Variants in SLC25A21 observed in about 807,000 individuals in gnomAD.
The protein encoded by SLC25A21 is solute carrier family 25 member 21.
In SLC25A21, 47 loss-of-function variants were observed where a neutral mutation model predicts 43.8. The ratio of observed to expected loss-of-function variants is 1.07; its 90% CI spans 0.85 to 1.37. The LOEUF (loss-of-function observed/expected upper bound fraction) is 1.37, where lower values mean the gene tolerates loss of function less well. Among genes scored for constraint, SLC25A21 ranks in the 40% most tolerant of loss-of-function variants. SLC25A21 has a pLI of 0.00. For missense variants in SLC25A21, 352 were observed against 350.2 expected (o/e 1.00, Z -0.04); for synonymous variants, 131 against 121.3 (o/e 1.08, Z -0.52).
chr14:36,967,850 C>G (rs1412648808), intron 1 of SLC25A21, among the ~76,000 whole-genome samples: 2 of 151,900 alleles, frequency 1.3e-5, no homozygotes, highest in Admixed American at 6.6e-5. Flanking sequence ...GTGTGTGTGT[C>G]TGTGTGTGTG....
chr14:36,953,413 A>T (rs79061146), intron 1 of SLC25A21, among the ~76,000 whole-genome samples: 2,690 of 152,308 alleles, frequency 0.018, 72 homozygotes, highest in African/African-American at 0.061. Flanking sequence ...TAGATAGCAT[A>T]TATAGTCAGA....
In SLC25A21 at chr14:36,715,657, C is replaced by T. The variant is rs766576784; in HGVS notation, c.439-4175G>A. Among the ~76,000 whole-genome samples, 84 of 152,152 alleles carry T rather than the reference C, an allele frequency of 5.5e-4. 1 individual carries two copies. The highest frequency in any genetic ancestry group is 1.0e-4 in the Non-Finnish European group (7 of 68,046). On this transcript the variant is annotated intron_variant, in intron 6 of 9. Transcript: ENST00000331299. ...GAAGAATAAGTGGATTGGGATGAGA[C>T]TTAACAAATATTTTTTGCTTTAATT...
At chr14:37,049,403 A>G (rs7161164) in intron 1 of SLC25A21, among the ~76,000 whole-genome samples, 3,062 of 151,940 alleles carry the variant, frequency 0.02, 107 homozygotes, top group African/African-American at 0.07. Flanking sequence ...GTGAGACCCC[A>G]TCTCTACAAA....
intron 1 of SLC25A21, among the ~76,000 whole-genome samples, chr14:37,040,652 G>A (rs920553662): frequency 6.6e-6 from 1 of 151,874 alleles, no homozygotes. Flanking sequence ...TGAATTAGAA[G>A]AATACAAGAC....
At position 36,702,475 on chromosome 14, in the gene SLC25A21, CAAAA is replaced by C. The variant is rs1213350246; in HGVS notation, c.603+8839_603+8842del. ...GCAACACAGGGAGATCCTGTCTCCA[CAAAA>C]AAAAAAAAAAAAAAAAAGAAAGAAA... On this transcript the variant is annotated intron_variant, in intron 7 of 9. Coordinates refer to ENST00000331299, the MANE Select transcript of SLC25A21 (RefSeq NM_030631.4). 7.5e-3 allele frequency among the ~76,000 whole-genome samples: 495 copies of C among 66,134 alleles called. 1 individual carries two copies. The highest frequency in any genetic ancestry group is 0.027 in the African/African-American group (466 of 17,084). 43.4% of individuals were successfully genotyped at this position (66,134 alleles called of 152,430 possible). A position where few individuals can be genotyped will look rare whatever the true frequency, so the allele number is the denominator to read the frequency against.
chr14:36,807,754 A>C (rs1320066423), intron 3 of SLC25A21, among the ~76,000 whole-genome samples: 1 of 152,176 alleles, frequency 6.6e-6, no homozygotes. Context: ...AATCTTACTA[A>C]GTTGTAGAGC....
chr14:37,045,146 C>T (rs1480138269), intron 1 of SLC25A21, among the ~76,000 whole-genome samples: 1 of 152,136 alleles, frequency 6.6e-6, no homozygotes, highest in Non-Finnish European at 1.5e-5. Context: ...TCGAAAGTTA[C>T]ATGATTCTAA....
intron 1 of SLC25A21, among the ~76,000 whole-genome samples, chr14:37,115,047 T>C (rs761654479): frequency 6.6e-6 from 1 of 152,168 alleles, no homozygotes; most frequent in Non-Finnish European, 1.5e-5. Context: ...GCTCCAAATG[T>C]GGGATGGCCA....
chr14:37,155,134 G>A (rs1232716965), intron 1 of SLC25A21, among the ~76,000 whole-genome samples: 3 of 151,206 alleles, frequency 2.0e-5, no homozygotes, highest in Non-Finnish European at 2.9e-5. Context: ...GCAGTGGCAC[G>A]ATCTCAGCTC....
intron 1 of SLC25A21, among the ~76,000 whole-genome samples, chr14:37,001,359 A>G (rs1960485388): frequency 1.3e-5 from 2 of 152,148 alleles, no homozygotes; most frequent in South Asian, 4.1e-4. Flanking sequence ...AATTCACTTT[A>G]TCAGTGAAGA....
At chr14:37,052,694 A>G (rs1961735493) in intron 1 of SLC25A21, among the ~76,000 whole-genome samples, 1 of 151,644 alleles carries the variant, frequency 6.6e-6, no homozygotes, top group South Asian at 2.1e-4. Flanking sequence ...ACTGGAGTGC[A>G]GTAGCGCAAT....
intron 1 of SLC25A21, among the ~76,000 whole-genome samples, chr14:37,162,936 A>G (rs1963971102): frequency 6.6e-6 from 1 of 152,228 alleles, no homozygotes; most frequent in Non-Finnish European, 1.5e-5. Context: ...TGTGGCACAT[A>G]TACACCATGG....
chr14:37,010,147 T>C (rs1566812376), intron 1 of SLC25A21, among the ~76,000 whole-genome samples: 1 of 152,164 alleles, frequency 6.6e-6, no homozygotes, highest in Non-Finnish European at 1.5e-5. Flanking sequence ...GTTTAAGATT[T>C]AATAAGATGA....
chr14:37,027,821 G>C (rs1961125951), intron 1 of SLC25A21, among the ~76,000 whole-genome samples: 1 of 152,150 alleles, frequency 6.6e-6, no homozygotes, highest in South Asian at 2.1e-4. Flanking sequence ...TTCTGTATTA[G>C]TGAAATAAGA....
intron 7 of SLC25A21, among the ~76,000 whole-genome samples, chr14:36,691,432 C>T (rs1882790145): frequency 6.6e-6 from 1 of 152,196 alleles, no homozygotes; most frequent in Admixed American, 6.5e-5. Flanking sequence ...AAATTTCCAA[C>T]TTAATTCCAT....
intron 2 of SLC25A21, among the ~76,000 whole-genome samples, chr14:36,858,602 G>T (rs1325594336): frequency 1.3e-5 from 2 of 151,994 alleles, no homozygotes; most frequent in African/African-American, 4.8e-5. Context: ...ACCTCTCCCA[G>T]GTGTTCTGGC....
chr14:37,135,616 T>C (rs971946163), intron 1 of SLC25A21, among the ~76,000 whole-genome samples: 6 of 152,202 alleles, frequency 3.9e-5, no homozygotes, highest in African/African-American at 1.4e-4. Context: ...CTCCATTCCA[T>C]TTCATTGCAT....
chr14:37,029,455 C>T (rs1375026651), intron 1 of SLC25A21, among the ~76,000 whole-genome samples: 2 of 152,100 alleles, frequency 1.3e-5, no homozygotes, highest in East Asian at 3.9e-4. Flanking sequence ...CTCAATTTTA[C>T]AACGAAAGCT....
chr14:36,682,115 A>C (rs1882294056), intron 9 of SLC25A21, among the ~76,000 whole-genome samples: 1 of 152,170 alleles, frequency 6.6e-6, no homozygotes, highest in Non-Finnish European at 1.5e-5. Flanking sequence ...CAGAACAAAG[A>C]ACAAAAATTC....
Sources: allele counts gnomAD v4.1 joint callset (sites outside exome capture counted in the v4.1 genomes callset), GRCh38; gene constraint gnomAD v4.1.1; transcripts MANE v1.5; gene names NCBI Gene and HGNC (gene_info 2026-07-23, HGNC 2026-07-21).